The following CDYL2 variants were observed in gnomAD, a reference collection of about 807,000 sequenced individuals.
CDYL2 encodes the protein chromodomain Y-like protein 2.
In CDYL2, 23 loss-of-function variants were observed where a neutral mutation model predicts 49.4. The ratio of observed to expected loss-of-function variants is 0.47; its 90% CI spans 0.34 to 0.66. The LOEUF (loss-of-function observed/expected upper bound fraction) is 0.66. Among genes scored for constraint, CDYL2 ranks in the 30% least tolerant of loss-of-function variants. The pLI, the probability that CDYL2 is intolerant of heterozygous loss-of-function variation, is 0.01. For synonymous variants in CDYL2, 360 were observed against 268.8 expected (o/e 1.34, Z -3.32); for missense variants, 678 against 656.4 (o/e 1.03, Z -0.36).
intron 1 of CDYL2, among the ~76,000 whole-genome samples, chr16:80,712,319 T>C (rs1904647138): frequency 6.6e-6 from 1 of 151,658 alleles, no homozygotes; most frequent in Non-Finnish European, 1.5e-5. Context: ...CTGGATCACC[T>C]GGAGACCATG....
chr16:80,610,389 G>A (rs934514282), intron 5 of CDYL2, among the ~76,000 whole-genome samples: 2 of 152,140 alleles, frequency 1.3e-5, no homozygotes, highest in African/African-American at 2.4e-5. Flanking sequence ...TTGACCTTCC[G>A]ATAAAATCAA....
At chr16:80,782,384 C>A (rs1907297654) in intron 1 of CDYL2, among the ~76,000 whole-genome samples, 1 of 151,700 alleles carries the variant, frequency 6.6e-6, no homozygotes, top group African/African-American at 2.4e-5. Context: ...CAAGACCAAG[C>A]CTTCACTGAT....
intron 1 of CDYL2, among the ~76,000 whole-genome samples, chr16:80,765,320 G>C (rs538869168): frequency 6.6e-6 from 1 of 151,740 alleles, no homozygotes; most frequent in Non-Finnish European, 1.5e-5. Context: ...ACACCTGTAA[G>C]TTTAAAGGTT....
At chr16:80,731,412 T>A (rs1905322087) in intron 1 of CDYL2, among the ~76,000 whole-genome samples, 1 of 151,892 alleles carries the variant, frequency 6.6e-6, no homozygotes, top group Non-Finnish European at 1.5e-5. Flanking sequence ...TGAGAACAGA[T>A]AACTAAAAAG....
chr16:80,737,581 G>A (rs1354135559), intron 1 of CDYL2, among the ~76,000 whole-genome samples: 1 of 152,162 alleles, frequency 6.6e-6, no homozygotes, highest in African/African-American at 2.4e-5. Context: ...TGTTGCTGCT[G>A]CTGCTAGTGG....
intron 2 of CDYL2, among the ~76,000 whole-genome samples, chr16:80,641,658 A>T (rs1054431331): frequency 6.6e-6 from 1 of 150,706 alleles, no homozygotes; most frequent in African/African-American, 2.4e-5. Context: ...CAAAAAACCA[A>T]ACACTGCGTG....
chr16:80,758,366 TA>T (rs1349772165), intron 1 of CDYL2, among the ~76,000 whole-genome samples: 3 of 152,048 alleles, frequency 2.0e-5, no homozygotes, highest in East Asian at 1.9e-4. Flanking sequence ...AACAAAAGTA[TA>T]AAAAACCTAG....
At chr16:80,696,158 T>G (rs183752388) in intron 1 of CDYL2, among the ~76,000 whole-genome samples, 12 of 152,272 alleles carry the variant, frequency 7.9e-5, no homozygotes, top group Admixed American at 7.2e-4. Flanking sequence ...AATGAGTCAG[T>G]GAAGAAATTA....
intron 2 of CDYL2, among the ~76,000 whole-genome samples, chr16:80,645,216 G>C (rs1298114759): frequency 6.6e-6 from 1 of 152,110 alleles, no homozygotes; most frequent in Non-Finnish European, 1.5e-5. Context: ...TACAGAATGG[G>C]AGAACATTTT....
intron 1 of CDYL2, among the ~76,000 whole-genome samples, chr16:80,709,552 G>C (rs1403586900): frequency 8.0e-6 from 1 of 125,236 alleles, no homozygotes; most frequent in African/African-American, 3.7e-5. Flanking sequence ...AGCCATGCAG[G>C]AATAAACAGA....
chr16:80,740,294 C>G (rs1389249118), intron 1 of CDYL2, among the ~76,000 whole-genome samples: 1 of 152,120 alleles, frequency 6.6e-6, no homozygotes, highest in Non-Finnish European at 1.5e-5. Flanking sequence ...GAGATATATT[C>G]TCATTCTTTA....
intron 1 of CDYL2, among the ~76,000 whole-genome samples, chr16:80,802,348 A>C (rs1443967740): frequency 2.0e-5 from 3 of 152,226 alleles, no homozygotes; most frequent in African/African-American, 7.2e-5. Flanking sequence ...CAACCAGATC[A>C]CTTTCACCCC....
rs545381470 is a variant in CDYL2 at position 80,624,186 on chromosome 16, G to T, written c.835-3251C>A. On this transcript the variant is annotated intron_variant, in intron 3 of 6. Transcript: ENST00000570137. ...CAAGGCAGTTGGCCAGGCTGAAAAGGTACAGGCTTTGGAGACAGGAAGCCT... is the reference window on the plus strand; with the variant it reads ...CAAGGCAGTTGGCCAGGCTGAAAAGTTACAGGCTTTGGAGACAGGAAGCCT... Among the ~76,000 whole-genome samples, 18 of 152,304 alleles carry T rather than the reference G, an allele frequency of 1.2e-4. No homozygotes were observed. In the South Asian group the frequency reaches 3.3e-3, roughly 28 times the overall value.
chr16:80,610,169 C>T (rs909447550), intron 5 of CDYL2, among the ~76,000 whole-genome samples: 8 of 152,258 alleles, frequency 5.3e-5, no homozygotes, highest in African/African-American at 1.9e-4. Context: ...CTCACTATTG[C>T]AACAAAAGCA....
At chr16:80,760,949 G>C (rs1056633168) in intron 1 of CDYL2, among the ~76,000 whole-genome samples, 2 of 152,062 alleles carry the variant, frequency 1.3e-5, no homozygotes, top group African/African-American at 4.8e-5. Flanking sequence ...ATGCGCAAAG[G>C]TGACAAAAAC....
intron 1 of CDYL2, among the ~76,000 whole-genome samples, chr16:80,710,136 C>T (rs1203426142): frequency 6.6e-6 from 1 of 152,090 alleles, no homozygotes; most frequent in African/African-American, 2.4e-5. Flanking sequence ...GCCATGTTGG[C>T]CAGGCTGGTC....
At chr16:80,618,145 C>G (rs568705304) in intron 4 of CDYL2, among the ~76,000 whole-genome samples, 1 of 152,210 alleles carries the variant, frequency 6.6e-6, no homozygotes, top group Non-Finnish European at 1.5e-5. Context: ...CTCCTGCCTC[C>G]GCCATCTTGC....
chr16:80,712,191 G>GTATATATATA lies in CDYL2; in HGVS notation c.25-27072_25-27063dup, dbSNP rs60399715. 3.3e-4 allele frequency among the ~76,000 whole-genome samples: 36 copies of GTATATATATA among 107,932 alleles called. No individual in the cohort carries two copies. In the East Asian group the frequency reaches 4.2e-3, roughly 13 times the overall value. The allele number at this position is 107,932 out of a possible 152,430, so 70.8% of individuals were successfully genotyped here. A position where few individuals can be genotyped will look rare whatever the true frequency, so the allele number is the denominator to read the frequency against. ...TATATGTGTCTTTGTGTCTGTGTGT[G>GTATATATATA]TATATATATATATATATATATATAT... is the stretch of plus-strand genomic sequence containing the variant. On this transcript the variant is annotated intron_variant, in intron 1 of 6. Coordinates refer to ENST00000570137, the MANE Select transcript of CDYL2 (RefSeq NM_152342.4).
chr16:80,641,903 A>T (rs9922108), intron 2 of CDYL2, among the ~76,000 whole-genome samples: 64,172 of 150,236 alleles, frequency 0.43, 15,723 homozygotes, highest in African/African-American at 0.69. Flanking sequence ...ATAATAATAA[A>T]AAAATAAAAA....
Sources: gnomAD v4.1 joint callset for allele counts (sites outside exome capture counted in the v4.1 genomes callset) on GRCh38, gnomAD v4.1.1 for gene constraint, MANE v1.5 for transcripts, NCBI Gene and HGNC (gene_info 2026-07-23, HGNC 2026-07-21) for gene names.